The following PAPPA2 variants were observed in gnomAD, a reference collection of about 807,000 sequenced individuals.
PAPPA2 encodes pappalysin-2.
PAPPA2 carries 86 observed loss-of-function variants against 176.4 expected under a neutral mutation model. That is an observed-to-expected ratio of 0.49 (90% confidence interval 0.41 to 0.58). The LOEUF (loss-of-function observed/expected upper bound fraction) is 0.58. Ranked by LOEUF, PAPPA2 falls within the 20% of genes least tolerant of loss-of-function variation. The pLI is 0.00. For missense variants in PAPPA2, 2,073 were observed against 2,256.9 expected, an observed-to-expected ratio of 0.92 and a Z score of 1.65; for synonymous variants, 809 against 852.2, an observed-to-expected ratio of 0.95 and a Z score of 0.88.
chr1:176,792,120 C>T (rs1665202752), intron 19 of PAPPA2, among the ~76,000 whole-genome samples: 1 of 152,192 alleles, frequency 6.6e-6, no homozygotes, highest in African/African-American at 2.4e-5. Context: ...CTCTTTCATG[C>T]ATCATTCTTC....
chr1:176,540,605 T>C (rs538551078), intron 1 of PAPPA2, among the ~76,000 whole-genome samples: 126 of 152,356 alleles, frequency 8.3e-4, no homozygotes, highest in African/African-American at 3.0e-3. Flanking sequence ...GCTCAACTTA[T>C]GCTTCCTGGA....
chr1:176,791,547 T>C, intron 19 of PAPPA2, 65 bp downstream of exon 19: 2 of 1,530,886 alleles, frequency 1.3e-6, no homozygotes, highest in South Asian at 2.4e-5. Context: ...ACAGCTGAAT[T>C]TTTTTTAATT....
At position 176,513,591 on chromosome 1, in the gene PAPPA2, G is replaced by A. The variant is rs1210406267; in HGVS notation, c.-916-41816G>A. Among the ~76,000 whole-genome samples, 3 of 152,134 alleles carry A rather than the reference G, an allele frequency of 2.0e-5. No homozygotes were observed. The East Asian group carries it at 5.8e-4, about 29-fold the overall frequency. ...TGAGTTCCCATCCTAGTTCTTCTGT[G>A]AACCAGTTGTGTTATCTTGGTCCAG... is the stretch of plus-strand genomic sequence containing the variant. On this transcript the variant is annotated intron_variant, in intron 1 of 22. Coordinates refer to ENST00000367662, the MANE Select transcript of PAPPA2 (RefSeq NM_020318.3).
At chr1:176,721,675 C>T (rs904789510) in intron 12 of PAPPA2, among the ~76,000 whole-genome samples, 1 of 151,880 alleles carries the variant, frequency 6.6e-6, no homozygotes, top group African/African-American at 2.4e-5. Flanking sequence ...TCTTTTATTC[C>T]CTGGTGCTTT....
intron 21 of PAPPA2, among the ~76,000 whole-genome samples, chr1:176,813,158 A>G (rs1022673592): frequency 2.0e-5 from 3 of 152,152 alleles, no homozygotes; most frequent in South Asian, 4.1e-4. Context: ...TCCTTGGTGC[A>G]TATGTACCAC....
chr1:176,758,729 G>A (rs1468999422), intron 14 of PAPPA2, among the ~76,000 whole-genome samples: 1 of 152,146 alleles, frequency 6.6e-6, no homozygotes, highest in East Asian at 1.9e-4. Context: ...TTGTTTAACT[G>A]AACAACTGAA....
intron 14 of PAPPA2, among the ~76,000 whole-genome samples, chr1:176,757,206 C>T (rs1468017854): frequency 6.6e-6 from 1 of 152,106 alleles, no homozygotes; most frequent in African/African-American, 2.4e-5. Flanking sequence ...ATTTATAATC[C>T]TTTGGGTATA....
chr1:176,472,604 GT>G (rs940717991), intron 1 of PAPPA2, among the ~76,000 whole-genome samples: 2 of 152,126 alleles, frequency 1.3e-5, no homozygotes, highest in African/African-American at 4.8e-5. Flanking sequence ...TATCCCGATT[GT>G]GTTGATCATT....
chr1:176,760,459 A>G (rs1179901061), intron 14 of PAPPA2, among the ~76,000 whole-genome samples: 1 of 152,222 alleles, frequency 6.6e-6, no homozygotes, highest in South Asian at 2.1e-4. Flanking sequence ...GAGTATCAAC[A>G]CTTTGAAACT....
At chr1:176,638,790 A>T (rs1656881584) in intron 3 of PAPPA2, among the ~76,000 whole-genome samples, 1 of 151,940 alleles carries the variant, frequency 6.6e-6, no homozygotes, top group Admixed American at 6.6e-5. Flanking sequence ...CCAATAAATT[A>T]TATAGACCTT....
intron 1 of PAPPA2, among the ~76,000 whole-genome samples, chr1:176,500,174 G>T (rs1647873472): frequency 6.6e-6 from 1 of 151,998 alleles, no homozygotes; most frequent in African/African-American, 2.4e-5. Context: ...GTAAAAATAA[G>T]ATACCTTTCT....
chr1:176,561,285 G>A (rs187381287), intron 2 of PAPPA2, among the ~76,000 whole-genome samples: 18 of 152,284 alleles, frequency 1.2e-4, no homozygotes, highest in East Asian at 5.8e-4. Flanking sequence ...TTGCAGAGTC[G>A]TTATGATGCT....
chr1:176,615,232 A>C (rs1175013240), intron 3 of PAPPA2, among the ~76,000 whole-genome samples: 2 of 152,174 alleles, frequency 1.3e-5, no homozygotes, highest in Non-Finnish European at 2.9e-5. Context: ...TGCAAATATT[A>C]AATTAACTGT....
At chr1:176,703,644 T>G (rs573784296) in intron 9 of PAPPA2, among the ~76,000 whole-genome samples, 1 of 152,356 alleles carries the variant, frequency 6.6e-6, no homozygotes, top group South Asian at 2.1e-4. Flanking sequence ...GTAGGCTTGC[T>G]TGGGATTCCA....
chr1:176,643,974 G>A (rs1472171012), intron 3 of PAPPA2, among the ~76,000 whole-genome samples: 1 of 151,816 alleles, frequency 6.6e-6, no homozygotes, highest in African/African-American at 2.4e-5. Flanking sequence ...TGGGAGTGGA[G>A]GGTACCTCTG....
chr1:176,472,197 T>G (rs1226889855), intron 1 of PAPPA2, among the ~76,000 whole-genome samples: 1 of 152,238 alleles, frequency 6.6e-6, no homozygotes, highest in African/African-American at 2.4e-5. Flanking sequence ...AATAAATGCT[T>G]GATTCTTTTA....
At chr1:176,807,779 A>G (rs566449625) in intron 21 of PAPPA2, among the ~76,000 whole-genome samples, 6 of 152,282 alleles carry the variant, frequency 3.9e-5, no homozygotes, top group African/African-American at 1.4e-4. Flanking sequence ...TACAGGCGTG[A>G]GCCACCATGC....
At chr1:176,637,840 A>G (rs1473361717) in intron 3 of PAPPA2, among the ~76,000 whole-genome samples, 1 of 151,420 alleles carries the variant, frequency 6.6e-6, no homozygotes, top group Non-Finnish European at 1.5e-5. Flanking sequence ...TTCTTATTTC[A>G]TGTTCTAATC....
chr1:176,663,940 G>C (rs139118883), intron 3 of PAPPA2, among the ~76,000 whole-genome samples: 2 of 152,118 alleles, frequency 1.3e-5, no homozygotes, highest in African/African-American at 4.8e-5. Context: ...ATTTTGCTAT[G>C]TGGGTCTCTT....
Sources: allele counts gnomAD v4.1 joint callset (sites outside exome capture counted in the v4.1 genomes callset), GRCh38; gene constraint gnomAD v4.1.1; transcripts MANE v1.5; gene names NCBI Gene and HGNC (gene_info 2026-07-23, HGNC 2026-07-21).